Variants in C1orf21 observed in about 807,000 individuals in gnomAD.
C1orf21 encodes chromosome 1 open reading frame 21, also known as uncharacterized protein C1orf21.
C1orf21 carries 3 observed loss-of-function variants against 18.7 expected under a neutral mutation model. The observed-to-expected ratio is 0.16, with a 90% CI of 0.07 to 0.42. C1orf21 has a LOEUF of 0.42. Among genes scored for constraint, C1orf21 ranks in the 10% least tolerant of loss-of-function variants. The probability of loss-of-function intolerance (pLI) is 0.99; values close to 1 mark genes in which losing one functional copy is unlikely to be tolerated. For synonymous variants in C1orf21, 41 were observed against 46.4 expected (o/e 0.88, Z 0.47); for missense variants, 104 against 143.6 (o/e 0.72, Z 1.41).
At chr1:184,457,926 C>T (rs1023266197) in intron 1 of C1orf21, among the ~76,000 whole-genome samples, 8 of 152,152 alleles carry the variant, frequency 5.3e-5, no homozygotes, top group South Asian at 4.1e-4. Context: ...GTTCCTACTA[C>T]GTGCTTGGCA....
intron 3 of C1orf21, among the ~76,000 whole-genome samples, chr1:184,561,511 C>T (rs1658964753): frequency 6.6e-6 from 1 of 152,212 alleles, no homozygotes; most frequent in Admixed American, 6.5e-5. Flanking sequence ...GCCCCAGTAC[C>T]TCTCAAAGTG....
chr1:184,493,728 T>A (rs1657849933), intron 2 of C1orf21, among the ~76,000 whole-genome samples: 1 of 152,254 alleles, frequency 6.6e-6, no homozygotes, highest in South Asian at 2.1e-4. Flanking sequence ...ATTAACCTTT[T>A]AGTCTTCATT....
chr1:184,465,822 CT>C (rs1326518528), intron 1 of C1orf21, among the ~76,000 whole-genome samples: 4 of 152,004 alleles, frequency 2.6e-5, no homozygotes, highest in Non-Finnish European at 4.4e-5. Context: ...CAAGTCACAC[CT>C]TTAGTGCTCT....
At chr1:184,394,398 A>G (rs952533667) in intron 1 of C1orf21, among the ~76,000 whole-genome samples, 6 of 152,190 alleles carry the variant, frequency 3.9e-5, no homozygotes, top group African/African-American at 1.4e-4. Flanking sequence ...AGGAAAGGCG[A>G]TTGAGAAGTT....
intron 1 of C1orf21, among the ~76,000 whole-genome samples, chr1:184,473,426 G>A (rs1190793436): frequency 6.6e-6 from 1 of 152,054 alleles, no homozygotes; most frequent in African/African-American, 2.4e-5. Flanking sequence ...TGTGAGGTTG[G>A]GAGAGAAAAG....
intron 3 of C1orf21, among the ~76,000 whole-genome samples, chr1:184,552,081 A>C (rs1658821373): frequency 6.6e-6 from 1 of 152,226 alleles, no homozygotes; most frequent in Non-Finnish European, 1.5e-5. Context: ...GAAATAGTAC[A>C]GTAAACATTT....
chr1:184,548,508 G>C lies in C1orf21; in HGVS notation c.189+40826G>C, dbSNP rs139785656. Among the ~76,000 whole-genome samples, 6 of 144,384 alleles carry C rather than the reference G, an allele frequency of 4.2e-5. No individual in the cohort carries two copies. The East Asian group carries it at 1.3e-3, about 31-fold the overall frequency. 94.7% of individuals were successfully genotyped at this position (144,384 alleles called of 152,430 possible). A position where few individuals can be genotyped will look rare whatever the true frequency, so the allele number is the denominator to read the frequency against. On this transcript the variant is annotated intron_variant, in intron 3 of 5. Coordinates refer to ENST00000235307, the MANE Select transcript of C1orf21 (RefSeq NM_030806.4). ...CCACTCACTACAAGCTCCGCCTCCCGGGTTCACGCCATTCTCCCCATTGCA... is the reference window on the plus strand; with the variant it reads ...CCACTCACTACAAGCTCCGCCTCCCCGGTTCACGCCATTCTCCCCATTGCA...
chr1:184,440,488 G>A (rs1327376524), intron 1 of C1orf21, among the ~76,000 whole-genome samples: 1 of 151,838 alleles, frequency 6.6e-6, no homozygotes, highest in Non-Finnish European at 1.5e-5. Flanking sequence ...CTGACCTCAG[G>A]TGATCCACCT....
intron 3 of C1orf21, among the ~76,000 whole-genome samples, chr1:184,584,493 C>T (rs981731746): frequency 2.0e-5 from 3 of 152,200 alleles, no homozygotes; most frequent in African/African-American, 7.2e-5. Flanking sequence ...GGTGCAGCCA[C>T]CTTGGAAAAC....
chr1:184,530,885 T>C (rs1658452390), intron 3 of C1orf21, among the ~76,000 whole-genome samples: 1 of 152,134 alleles, frequency 6.6e-6, no homozygotes, highest in Non-Finnish European at 1.5e-5. Flanking sequence ...ACAGTCTTGA[T>C]ATTTGTAGAA....
At position 184,621,132 on chromosome 1, in the gene C1orf21, T is replaced by G. The variant is rs2102014708; in HGVS notation, c.*1576T>G. 6.6e-6 allele frequency: 1 copy of G among 152,504 alleles called. No individual in the cohort carries two copies. The highest frequency in any genetic ancestry group is 1.9e-4 in the East Asian group (1 of 5,184). 9.4% of individuals were successfully genotyped at this position (152,504 alleles called of 1,614,324 possible). ...TCTTGCCGAAAAGATGAGCCTCGATTTTAAAATCTATCCACATCCAACTGA... is the reference window on the plus strand; with the variant it reads ...TCTTGCCGAAAAGATGAGCCTCGATGTTAAAATCTATCCACATCCAACTGA... On this transcript the variant is annotated 3_prime_UTR_variant, in exon 6 of 6. Coordinates refer to ENST00000235307, the MANE Select transcript of C1orf21 (RefSeq NM_030806.4).
Position 184,387,625 on chromosome 1 carries a change from TG to T in C1orf21, c.-125+260del, listed in dbSNP as rs1427607174. Among the ~76,000 whole-genome samples, 2 of 151,150 alleles carry T rather than the reference TG, an allele frequency of 1.3e-5. No individual in the cohort carries two copies. The highest frequency in any genetic ancestry group is 1.3e-4 in the Admixed American group (2 of 15,202). On this transcript the variant is annotated intron_variant, in intron 1 of 5. Transcript: ENST00000235307. The surrounding 1 kb of genome is among the most constrained non-coding windows in gnomAD (Gnocchi z 5.6). Reference sequence around the variant, plus strand: ...GAGCCGCGAGGGGCGTCTGCCGGCCTGGGCGGAGGGGCTGGGATGTGGTCGG... The same window carrying T: ...GAGCCGCGAGGGGCGTCTGCCGGCCTGGCGGAGGGGCTGGGATGTGGTCGG...
At chr1:184,582,489 C>T (rs1410488360) in intron 3 of C1orf21, among the ~76,000 whole-genome samples, 1 of 152,318 alleles carries the variant, frequency 6.6e-6, no homozygotes, top group South Asian at 2.1e-4. Context: ...GTAGGGCACT[C>T]ATTAGCAGTC....
intron 2 of C1orf21, among the ~76,000 whole-genome samples, chr1:184,500,229 C>T (rs1217859281): frequency 3.3e-5 from 5 of 152,062 alleles, no homozygotes; most frequent in East Asian, 1.9e-4. Flanking sequence ...TGTCTTTTGT[C>T]GGAGCTTGTC....
At position 184,421,904 on chromosome 1, in the gene C1orf21, C is replaced by T. The variant is rs192368550; in HGVS notation, c.-125+34536C>T. Among the ~76,000 whole-genome samples, 211 of 152,214 alleles carry T rather than the reference C, an allele frequency of 1.4e-3. 2 individuals carry two copies. Among genetic ancestry groups the T allele is most frequent in the Non-Finnish European group, 5.4e-4 (37 of 68,020 alleles). ...ATTGTCTATGGTGCTTTATAAAGTC[C>T]GCTTCCCCATGAGTGCAAGGTCCTC... On this transcript the variant is annotated intron_variant, in intron 1 of 5. Coordinates refer to ENST00000235307, the MANE Select transcript of C1orf21 (RefSeq NM_030806.4).
chr1:184,516,743 C>T (rs185954148), intron 3 of C1orf21, among the ~76,000 whole-genome samples: 22 of 152,316 alleles, frequency 1.4e-4, no homozygotes, highest in African/African-American at 4.1e-4. Context: ...TCAATTATCT[C>T]CCACTAGGTC....
chr1:184,444,958 T>A (rs1055995425), intron 1 of C1orf21, among the ~76,000 whole-genome samples: 11 of 152,164 alleles, frequency 7.2e-5, no homozygotes, highest in Admixed American at 2.0e-4. Context: ...GAATATAATA[T>A]TTGTTCAATG....
At chr1:184,509,219 A>G (rs1039424531) in intron 3 of C1orf21, among the ~76,000 whole-genome samples, 6 of 152,190 alleles carry the variant, frequency 3.9e-5, no homozygotes, top group African/African-American at 1.4e-4. Context: ...GTGTGCTTTC[A>G]TCATCATATT....
Position 184,577,087 on chromosome 1 carries a change from G to A in C1orf21, c.190-13652G>A, listed in dbSNP as rs186985187. Among the ~76,000 whole-genome samples, 213 of 151,692 alleles carry A rather than the reference G, an allele frequency of 1.4e-3. 1 individual carries two copies. The highest frequency in any genetic ancestry group is 5.0e-3 in the African/African-American group (208 of 41,296). On this transcript the variant is annotated intron_variant, in intron 3 of 5. Coordinates refer to ENST00000235307, the MANE Select transcript of C1orf21 (RefSeq NM_030806.4). ...GAATGATGTCCACATCCAAATCCAC[G>A]GAACCTATAAATATATTATGTTACA...
Sources: gnomAD v4.1 joint callset for allele counts (sites outside exome capture counted in the v4.1 genomes callset) on GRCh38, gnomAD v4.1.1 for gene constraint, Gnocchi (gnomAD v3.1) non-coding constraint, MANE v1.5 for transcripts, NCBI Gene and HGNC (gene_info 2026-07-23, HGNC 2026-07-21) for gene names.